The following NSD2 variants were observed in gnomAD, a reference collection of about 807,000 sequenced individuals.
The protein encoded by NSD2 is nuclear receptor binding SET domain protein 2.
NSD2 carries 12 observed loss-of-function variants against 139.0 expected under a neutral mutation model. The ratio of observed to expected loss-of-function variants is 0.09; its 90% CI spans 0.06 to 0.14. The LOEUF (loss-of-function observed/expected upper bound fraction) is 0.14. Among genes scored for constraint, NSD2 ranks in the 10% least tolerant of loss-of-function variants. The pLI is 1.00. For missense variants in NSD2, 1,155 were observed against 1,745.0 expected (o/e 0.66, Z 6.02); for synonymous variants, 669 against 648.7 (o/e 1.03, Z -0.48).
chr4:1,875,339 TCATATGATCACGGCTCATTG>T (rs1418597173), intron 1 of NSD2, among the ~76,000 whole-genome samples: 5 of 148,066 alleles, frequency 3.4e-5, no homozygotes, highest in Non-Finnish European at 5.9e-5. Flanking sequence ...TAGAGTGGAG[TCATATGATCACGGCTCATTG>T]CAGCCTTGAT....
intron 6 of NSD2, among the ~76,000 whole-genome samples, chr4:1,932,902 C>T (rs905690083): frequency 5.9e-5 from 9 of 152,198 alleles, no homozygotes; most frequent in Non-Finnish European, 1.0e-4. Flanking sequence ...GAAAGCGAGG[C>T]GCGGGGCTGG....
At chr4:1,936,525 G>T (rs1321166678) in intron 7 of NSD2, among the ~76,000 whole-genome samples, 1 of 152,038 alleles carries the variant, frequency 6.6e-6, no homozygotes, top group African/African-American at 2.4e-5. Context: ...ACAAAAATTA[G>T]TCGGGTGTGG....
In NSD2 at chr4:1,902,113, C is replaced by A. The variant is rs187307808; in HGVS notation, c.597+862C>A. Among the ~76,000 whole-genome samples, 25 of 152,032 alleles carry A rather than the reference C, an allele frequency of 1.6e-4. No individual in the cohort carries two copies. The East Asian group carries it at 4.8e-3, about 29-fold the overall frequency. ...AGGGTGTTGCTTTTTAGTTGTAACT[C>A]CTTGAAATTGTTAAAATAATGAAGA... On this transcript the variant is annotated intron_variant, in intron 2 of 21. Coordinates refer to ENST00000508803, the MANE Select transcript of NSD2 (RefSeq NM_001042424.3).
rs375879807 is a variant in NSD2, at chr4:1,904,508, G to C, written c.760+130G>C. 4.1e-6 allele frequency: 4 copies of C among 975,050 alleles called. No homozygotes were observed. The African/African-American group carries it at 4.9e-5, about 12-fold the overall frequency. The allele number at this position is 975,050 out of a possible 1,614,324, so 60.4% of individuals were successfully genotyped here. On this transcript the variant is annotated intron_variant, in intron 3 of 21. Coordinates refer to ENST00000508803, the MANE Select transcript of NSD2 (RefSeq NM_001042424.3). ...ATTTTTGCAGCTTTACCTAAAGTTA[G>C]TGATTGATTCAAGTGTGATGTGTTG...
intron 5 of NSD2, among the ~76,000 whole-genome samples, chr4:1,925,268 C>T (rs888987408): frequency 1.3e-5 from 2 of 152,182 alleles, no homozygotes; most frequent in African/African-American, 4.8e-5. Flanking sequence ...GGGATAGAGT[C>T]AGGTGGAACT....
rs996889032 is a variant in NSD2, at chr4:1,972,286, C to T, written c.3373-2577C>T. On this transcript the variant is annotated intron_variant, in intron 18 of 21. Transcript: ENST00000508803. This position sits in a 1 kb window ranked among gnomAD's most constrained non-coding sequence, Gnocchi z 4.0. ...CACAAGAGATGATATGGATGAGTGG[C>T]GGTACAGGCTATGTCTCAGCTGGGA... 5.9e-5 allele frequency among the ~76,000 whole-genome samples: 9 copies of T among 152,188 alleles called. No individual in the cohort carries two copies. Among genetic ancestry groups the T allele is most frequent in the East Asian group, 3.9e-4 (2 of 5,178 alleles).
Position 1,978,945 on chromosome 4 carries a change from G to A in NSD2, c.*36G>A. On this transcript the variant is annotated 3_prime_UTR_variant, in exon 22 of 22. Transcript: ENST00000508803. The stretch of plus-strand genomic sequence containing the variant: ...CCGCTTGGCCGGATCCAGGGGCGGT[G>A]CAGGGCGGCCGGCCCTGCCTGCGGG... The A allele has an allele frequency of 5.5e-6, 8 of 1,457,642 alleles. No homozygotes were observed. Among genetic ancestry groups the A allele is most frequent in the Non-Finnish European group, 6.3e-6 (7 of 1,102,862 alleles). The allele number at this position is 1,457,642 out of a possible 1,614,324, so 90.3% of individuals were successfully genotyped here. A position where few individuals can be genotyped will look rare whatever the true frequency, so the allele number is the denominator to read the frequency against.
At chr4:1,885,035 G>A (rs62286993) in intron 1 of NSD2, among the ~76,000 whole-genome samples, 1,669 of 151,884 alleles carry the variant, frequency 0.011, 23 homozygotes, top group Middle Eastern at 0.014. Flanking sequence ...GCTTGAACCC[G>A]GGAGGCGGAG....
At position 1,878,226 on chromosome 4, in the gene NSD2, GATAT is replaced by G. The variant is rs1164167293; in HGVS notation, c.-30+6707_-30+6710del. Among the ~76,000 whole-genome samples, 100 of 26,062 alleles carry G rather than the reference GATAT, an allele frequency of 3.8e-3. 2 individuals carry two copies. The highest frequency in any genetic ancestry group is 5.0e-3 in the Non-Finnish European group (78 of 15,592). The allele number at this position is 26,062 out of a possible 152,430, so 17.1% of individuals were successfully genotyped here. A position where few individuals can be genotyped will look rare whatever the true frequency, so the allele number is the denominator to read the frequency against. On this transcript the variant is annotated intron_variant, in intron 1 of 21. Coordinates refer to ENST00000508803, the MANE Select transcript of NSD2 (RefSeq NM_001042424.3). ...CGGGTGTGTGCCACCATGCCCGGCTGATATATATATATATATATATATATATTTT... is the reference window on the plus strand; with the variant it reads ...CGGGTGTGTGCCACCATGCCCGGCTGATATATATATATATATATATATTTT...
intron 3 of NSD2, among the ~76,000 whole-genome samples, chr4:1,905,072 G>T (rs1717706136): frequency 6.6e-6 from 1 of 152,148 alleles, no homozygotes; most frequent in Admixed American, 6.5e-5. Context: ...GGAGGTTGCA[G>T]TGAGCCGAGA....
chr4:1,974,976 C>T lies in NSD2; in HGVS notation c.3486C>T (p.Gly1162=), dbSNP rs886059319. 3 of 1,614,000 alleles carry T rather than the reference C, an allele frequency of 1.9e-6. No individual in the cohort carries two copies. Among genetic ancestry groups the T allele is most frequent in the Middle Eastern group, 3.3e-4 (2 of 6,084 alleles). ...CAGTGAATGGGGACACTCGTGTGGG[C>T]CTGTTTGCCGTCTGTGACATTCCTG... ...KWTVNGDTRV[G]LFAVCDIPAG... is the part of the protein sequence containing the mutation. The change falls in exon 19 of 22, where the codon GGC becomes GGT. Residue 1162 remains glycine (G), a synonymous_variant. Transcript: ENST00000508803. This position sits in a 1 kb window ranked among gnomAD's most constrained non-coding sequence, Gnocchi z 4.0.
At chr4:1,890,671 G>A (rs1457972980) in intron 1 of NSD2, among the ~76,000 whole-genome samples, 2 of 151,478 alleles carry the variant, frequency 1.3e-5, no homozygotes, top group South Asian at 2.1e-4. Flanking sequence ...GCATGATCTC[G>A]GCTCACTGCA....
At chr4:1,885,420 C>T (rs2108685351) in intron 1 of NSD2, among the ~76,000 whole-genome samples, 1 of 152,316 alleles carries the variant, frequency 6.6e-6, no homozygotes, top group Middle Eastern at 3.4e-3. Flanking sequence ...TCATTGCCTT[C>T]TCTTTTCTTT....
At chr4:1,937,658 C>G (rs544481334) in intron 7 of NSD2, among the ~76,000 whole-genome samples, 1 of 152,314 alleles carries the variant, frequency 6.6e-6, no homozygotes, top group African/African-American at 2.4e-5. Context: ...AGTGCATTCT[C>G]CTGTCGCCTT....
Position 1,900,643 on chromosome 4 carries a change from C to G in NSD2, c.-12C>G. On this transcript the variant is annotated 5_prime_UTR_variant, in exon 2 of 22. Coordinates refer to ENST00000508803, the MANE Select transcript of NSD2 (RefSeq NM_001042424.3). ...TACCATAGTGTTCTAAGAACGGAAG[C>G]ATCTGGGCTGGATGGAATTTAGCAT... The G allele has an allele frequency of 2.6e-6, 4 of 1,551,078 alleles. No homozygotes were observed. Among genetic ancestry groups the G allele is most frequent in the Non-Finnish European group, 3.5e-6 (4 of 1,148,536 alleles).
intron 18 of NSD2, among the ~76,000 whole-genome samples, chr4:1,969,252 G>A (rs1348451033): frequency 2.0e-5 from 3 of 152,236 alleles, no homozygotes; most frequent in African/African-American, 7.2e-5. Flanking sequence ...GGAAGGCAGA[G>A]AGAAAGGGAC....
intron 5 of NSD2, among the ~76,000 whole-genome samples, chr4:1,920,860 G>C (rs569192717): frequency 6.9e-4 from 104 of 151,180 alleles, no homozygotes; most frequent in Non-Finnish European, 1.1e-3. Flanking sequence ...ATGAAACCCT[G>C]TCTCTAAAAA....
intron 4 of NSD2, among the ~76,000 whole-genome samples, chr4:1,917,898 A>G (rs1468958402): frequency 6.7e-6 from 1 of 148,216 alleles, no homozygotes; most frequent in African/African-American, 2.5e-5. Flanking sequence ...CTCATGTCTC[A>G]GCCTCCCTAG....
intron 10 of NSD2, 95 bp downstream of exon 10, chr4:1,951,298 A>G: frequency 1.3e-6 from 2 of 1,533,194 alleles, no homozygotes; most frequent in Non-Finnish European, 1.8e-6. Context: ...CCTTCCCACC[A>G]GACCCCTTCC....
Sources: allele counts gnomAD v4.1 joint callset (sites outside exome capture counted in the v4.1 genomes callset), GRCh38; gene constraint gnomAD v4.1.1; non-coding constraint Gnocchi (gnomAD v3.1); transcripts MANE v1.5; gene names NCBI Gene and HGNC (gene_info 2026-07-23, HGNC 2026-07-21).